The following PARVA variants were observed in gnomAD, a reference collection of about 807,000 sequenced individuals.
PARVA encodes parvin alpha.
A neutral mutation model predicts 52.6 loss-of-function variants in PARVA; 25 were observed. That is an observed-to-expected ratio of 0.48 (90% CI 0.35 to 0.66). The LOEUF (loss-of-function observed/expected upper bound fraction) is 0.66, where lower values mean the gene tolerates loss of function less well. Among genes scored for constraint, PARVA ranks in the 30% least tolerant of loss-of-function variants. The pLI is 0.01. For synonymous variants in PARVA, 185 were observed against 179.1 expected (o/e 1.03, Z -0.26); for missense variants, 373 against 450.9 (o/e 0.83, Z 1.56).
intron 1 of PARVA, among the ~76,000 whole-genome samples, chr11:12,446,771 A>G (rs764912986): frequency 4.6e-5 from 7 of 152,190 alleles, no homozygotes; most frequent in Admixed American, 6.5e-5. Flanking sequence ...TTTGCAGTTC[A>G]TTGCTTTCCT....
At position 12,513,986 on chromosome 11, in the gene PARVA, TTC is replaced by T. The variant is rs968410913; in HGVS notation, c.799-7_799-6del. The T allele has an allele frequency of 6.2e-7, 1 of 1,613,252 alleles. No homozygotes were observed. Among genetic ancestry groups the T allele is most frequent in the African/African-American group, 1.3e-5 (1 of 74,948 alleles). On this transcript the variant is annotated splice_polypyrimidine_tract_variant and intron_variant, in intron 9 of 12. Coordinates refer to ENST00000334956, the MANE Select transcript of PARVA (RefSeq NM_018222.5). ...GTCCCCAGCTTAGGGCCTGCTTTGC[TTC>T]TCTTTTAGACACTCATCACTTTCGT...
chr11:12,441,429 T>C (rs1230388168), intron 1 of PARVA, among the ~76,000 whole-genome samples: 3 of 152,050 alleles, frequency 2.0e-5, no homozygotes, highest in African/African-American at 4.8e-5. Context: ...CATGACTTAA[T>C]TGACCAAGAG....
chr11:12,445,899 T>C (rs1303535363), intron 1 of PARVA, among the ~76,000 whole-genome samples: 1 of 152,230 alleles, frequency 6.6e-6, no homozygotes, highest in Non-Finnish European at 1.5e-5. Flanking sequence ...TGTATCCCTA[T>C]ACCGCAACAA....
chr11:12,410,981 G>A (rs1259134881), intron 1 of PARVA, among the ~76,000 whole-genome samples: 2 of 152,172 alleles, frequency 1.3e-5, no homozygotes, highest in African/African-American at 2.4e-5. Flanking sequence ...AAATGGGGGT[G>A]TGATACTGAC....
At chr11:12,472,567 T>C (rs1940948669) in intron 1 of PARVA, among the ~76,000 whole-genome samples, 1 of 152,210 alleles carries the variant, frequency 6.6e-6, no homozygotes, top group African/African-American at 2.4e-5. Context: ...CTCAGTCTCC[T>C]TCCAGTCCAA....
intron 1 of PARVA, among the ~76,000 whole-genome samples, chr11:12,432,636 C>T (rs1483534533): frequency 1.3e-5 from 2 of 152,204 alleles, no homozygotes; most frequent in African/African-American, 4.8e-5. Flanking sequence ...AAAATAACTG[C>T]TTATCTGGGC....
chr11:12,519,597 G>C (rs1941612339), intron 12 of PARVA, among the ~76,000 whole-genome samples: 1 of 152,168 alleles, frequency 6.6e-6, no homozygotes, highest in Admixed American at 6.5e-5. Flanking sequence ...AGACAGTGGG[G>C]CTCAACCATA....
intron 5 of PARVA, among the ~76,000 whole-genome samples, chr11:12,500,263 G>C (rs1441196734): frequency 1.3e-5 from 2 of 152,152 alleles, no homozygotes; most frequent in African/African-American, 4.8e-5. Flanking sequence ...TAGCCTTGCA[G>C]CTGCGGTTCC....
intron 1 of PARVA, among the ~76,000 whole-genome samples, chr11:12,454,400 G>A (rs1940666134): frequency 1.3e-5 from 2 of 152,024 alleles, no homozygotes; most frequent in Admixed American, 6.6e-5. Flanking sequence ...TGACAGTAAA[G>A]TCATTATATA....
intron 1 of PARVA, among the ~76,000 whole-genome samples, chr11:12,458,131 A>C (rs1052802191): frequency 6.6e-6 from 1 of 152,258 alleles, no homozygotes; most frequent in Non-Finnish European, 1.5e-5. Context: ...TGAAGGGGTC[A>C]CTGGCTTTCC....
chr11:12,478,510 A>C (rs1589973360), intron 4 of PARVA: 1 of 200,008 alleles, frequency 5.0e-6, no homozygotes, highest in East Asian at 1.3e-4. Flanking sequence ...AATGGAGTTA[A>C]GGTGTCCCCC....
intron 1 of PARVA, among the ~76,000 whole-genome samples, chr11:12,393,575 C>A (rs930362053): frequency 6.6e-6 from 1 of 152,106 alleles, no homozygotes; most frequent in Non-Finnish European, 1.5e-5. Flanking sequence ...TTTTTCAAAT[C>A]CTCATCACTC....
intron 5 of PARVA, among the ~76,000 whole-genome samples, chr11:12,500,799 G>GA (rs1941354366): frequency 7.0e-6 from 1 of 143,120 alleles, no homozygotes; most frequent in Admixed American, 7.1e-5. Context: ...TCAGAAAAAA[G>GA]AAAAAAAGGG....
intron 1 of PARVA, among the ~76,000 whole-genome samples, chr11:12,419,248 C>T (rs1324147533): frequency 1.3e-5 from 2 of 152,074 alleles, no homozygotes; most frequent in Admixed American, 1.3e-4. Flanking sequence ...AAACTGAAAC[C>T]CTATACCCAT....
At chr11:12,380,819 A>G (rs1470268881) in intron 1 of PARVA, among the ~76,000 whole-genome samples, 1 of 152,176 alleles carries the variant, frequency 6.6e-6, no homozygotes, top group Non-Finnish European at 1.5e-5. Flanking sequence ...TCTGCCAGCC[A>G]CGTCGCACTG....
At chr11:12,450,927 C>T in intron 1 of PARVA, among the ~76,000 whole-genome samples, 1 of 152,184 alleles carries the variant, frequency 6.6e-6, no homozygotes, top group Non-Finnish European at 1.5e-5. Context: ...GAGGGCAGGT[C>T]TGCCTCTCCT....
chr11:12,377,452 C>T, upstream of PARVA: 1 of 1,394,788 alleles, frequency 7.2e-7, no homozygotes, highest in South Asian at 1.6e-5. Flanking sequence ...CAGCTCCTTC[C>T]AGGGCAGAGG....
At chr11:12,436,251 T>C (rs544790109) in intron 1 of PARVA, among the ~76,000 whole-genome samples, 1 of 152,370 alleles carries the variant, frequency 6.6e-6, no homozygotes, top group African/African-American at 2.4e-5. Context: ...AGTGAAATTC[T>C]CTTAGACTAA....
intron 1 of PARVA, among the ~76,000 whole-genome samples, chr11:12,461,890 G>A (rs575959319): frequency 9.1e-4 from 138 of 151,410 alleles, no homozygotes; most frequent in African/African-American, 3.1e-3. Context: ...CAACCTCGGT[G>A]ACTAGACTAG....
Sources: allele counts gnomAD v4.1 joint callset (sites outside exome capture counted in the v4.1 genomes callset), GRCh38; gene constraint gnomAD v4.1.1; transcripts MANE v1.5; gene names NCBI Gene and HGNC (gene_info 2026-07-23, HGNC 2026-07-21).